ASPRV1: variants seen among roughly 807,000 people sequenced by gnomAD.
ASPRV1 encodes retroviral-like aspartic protease 1.
A neutral mutation model predicts 11.0 loss-of-function variants in ASPRV1; 7 were observed. The observed-to-expected ratio is 0.64, with a 90% CI of 0.36 to 1.20. The LOEUF (loss-of-function observed/expected upper bound fraction) is 1.20, where lower values mean the gene tolerates loss of function less well. Ranked by LOEUF, ASPRV1 falls within the 50% of genes most tolerant of loss-of-function variation. The probability of loss-of-function intolerance (pLI) is 0.02; values close to 1 mark genes in which losing one functional copy is unlikely to be tolerated. For synonymous variants in ASPRV1, 136 were observed against 138.4 expected, an observed-to-expected ratio of 0.98 and a Z score of 0.12; for missense variants, 299 against 320.0, an observed-to-expected ratio of 0.93 and a Z score of 0.50.
chr2:70,029,918 C>T, the ASPRV1 span: 1 of 152,102 alleles, frequency 6.6e-6, no homozygotes, highest in Admixed American at 6.6e-5. Flanking sequence ...CTTTTTCTCC[C>T]TCCTCCTCTG....
the ASPRV1 span, among the ~76,000 whole-genome samples, chr2:70,059,291 T>C: frequency 6.6e-6 from 1 of 151,800 alleles, no homozygotes; most frequent in Non-Finnish European, 1.5e-5. Context: ...ATTGAATTTT[T>C]TTTTTAATTA....
At chr2:70,034,158 A>C in the ASPRV1 span, among the ~76,000 whole-genome samples, 1 of 149,168 alleles carries the variant, frequency 6.7e-6, no homozygotes, top group Non-Finnish European at 1.5e-5. Flanking sequence ...ATCTCATAAA[A>C]AAAAAAAAAA....
At chr2:70,083,450 C>T in the ASPRV1 span, 1 of 152,240 alleles carries the variant, frequency 6.6e-6, no homozygotes, top group Non-Finnish European at 1.5e-5. Flanking sequence ...AACAATCATT[C>T]CTCTGTATGT....
chr2:69,939,238 A>G, the ASPRV1 span: 1 of 152,658 alleles, frequency 6.6e-6, no homozygotes, highest in Admixed American at 6.5e-5. Flanking sequence ...CAGAGCTAGT[A>G]GCCATTATCA....
At chr2:70,056,808 C>T in the ASPRV1 span, among the ~76,000 whole-genome samples, 1 of 151,488 alleles carries the variant, frequency 6.6e-6, no homozygotes, top group African/African-American at 2.4e-5. Flanking sequence ...GGCTCCCTGC[C>T]ACTGCAACCT....
At chr2:70,013,576 G>A in the ASPRV1 span, among the ~76,000 whole-genome samples, 4 of 152,104 alleles carry the variant, frequency 2.6e-5, no homozygotes, top group Admixed American at 1.3e-4. Context: ...TGTTGTTTTA[G>A]AGAAGACAGC....
the ASPRV1 span, among the ~76,000 whole-genome samples, chr2:70,056,870 G>C: frequency 6.6e-6 from 1 of 151,738 alleles, no homozygotes; most frequent in Non-Finnish European, 1.5e-5. Context: ...GAGTAGCTGG[G>C]ATTACAGGCG....
chr2:70,036,088 T>C, the ASPRV1 span, among the ~76,000 whole-genome samples: 1 of 151,678 alleles, frequency 6.6e-6, no homozygotes, highest in Non-Finnish European at 1.5e-5. Flanking sequence ...TTCTCATTTC[T>C]CCACTCCCTG....
the ASPRV1 span, among the ~76,000 whole-genome samples, chr2:69,970,457 C>T: frequency 3.9e-5 from 6 of 152,130 alleles, no homozygotes; most frequent in Non-Finnish European, 8.8e-5. Flanking sequence ...GTGTAGCTCC[C>T]CAAACAGGAC....
chr2:69,956,541 G>C (rs1015357700), downstream of ASPRV1, among the ~76,000 whole-genome samples: 1 of 150,512 alleles, frequency 6.6e-6, no homozygotes, highest in Admixed American at 6.6e-5. Flanking sequence ...GGAGGAGGAG[G>C]AGAAGAAGAA....
At chr2:69,990,674 C>G in the ASPRV1 span, among the ~76,000 whole-genome samples, 1 of 152,082 alleles carries the variant, frequency 6.6e-6, no homozygotes, top group Non-Finnish European at 1.5e-5. Context: ...AGGCTGGTCT[C>G]TAAGTCCTGG....
chr2:69,935,059 T>C, the ASPRV1 span, among the ~76,000 whole-genome samples: 2 of 152,210 alleles, frequency 1.3e-5, no homozygotes, highest in African/African-American at 4.8e-5. Context: ...TCAGGGACCA[T>C]TACTGTATAT....
chr2:69,936,185 A>G, the ASPRV1 span, among the ~76,000 whole-genome samples: 1 of 152,054 alleles, frequency 6.6e-6, no homozygotes, highest in Non-Finnish European at 1.5e-5. Context: ...TAGCTCTGAT[A>G]ATCCTTCGCT....
the ASPRV1 span, among the ~76,000 whole-genome samples, chr2:69,991,148 G>C: frequency 6.6e-6 from 1 of 152,112 alleles, no homozygotes; most frequent in Non-Finnish European, 1.5e-5. Context: ...CTTCCTCTTG[G>C]TGACCTGCCT....
At chr2:69,969,850 G>T in the ASPRV1 span, among the ~76,000 whole-genome samples, 1 of 151,866 alleles carries the variant, frequency 6.6e-6, no homozygotes. Context: ...TTCCACCTTA[G>T]AGGGGATCAG....
chr2:70,066,189 C>G, the ASPRV1 span, among the ~76,000 whole-genome samples: 1 of 151,996 alleles, frequency 6.6e-6, no homozygotes, highest in Non-Finnish European at 1.5e-5. Flanking sequence ...GCCCAGGAGA[C>G]AGAGACTCTG....
At chr2:69,958,281 A>G (rs1206958415), downstream of ASPRV1, among the ~76,000 whole-genome samples, 1 of 151,858 alleles carries the variant, frequency 6.6e-6, no homozygotes, top group Non-Finnish European at 1.5e-5. Context: ...CATGGGGGCC[A>G]TGCTTCAGAT....
chr2:70,007,012 G>C, the ASPRV1 span, among the ~76,000 whole-genome samples: 1 of 152,152 alleles, frequency 6.6e-6, no homozygotes, highest in Non-Finnish European at 1.5e-5. Flanking sequence ...TTGCAACAGA[G>C]TTCCTTCATT....
chr2:69,938,350 G>A, the ASPRV1 span: 1 of 1,524,100 alleles, frequency 6.6e-7, no homozygotes, highest in Non-Finnish European at 9.0e-7. Context: ...GTAACGTATT[G>A]GACCTGCCCA....
Sources: gnomAD v4.1 joint callset for allele counts (sites outside exome capture counted in the v4.1 genomes callset) on GRCh38, gnomAD v4.1.1 for gene constraint, MANE v1.5 for transcripts, NCBI Gene and HGNC (gene_info 2026-07-23, HGNC 2026-07-21) for gene names.